RNF180: variants seen among roughly 807,000 people sequenced by gnomAD.
RNF180 encodes the protein E3 ubiquitin-protein ligase RNF180.
Under a neutral mutation model 59.2 loss-of-function variants are expected in RNF180, and 38 were observed. The observed-to-expected ratio is 0.64, with a 90% CI of 0.50 to 0.84. The LOEUF is 0.84. Ranked by LOEUF, RNF180 falls within the 40% of genes least tolerant of loss-of-function variation. The pLI is 0.00. For synonymous variants in RNF180, 262 were observed against 240.3 expected (o/e 1.09, Z -0.84); for missense variants, 705 against 700.9 (o/e 1.01, Z -0.07).
intron 5 of RNF180, among the ~76,000 whole-genome samples, chr5:64,256,009 T>C (rs1249795289): frequency 2.6e-5 from 4 of 152,210 alleles, no homozygotes; most frequent in African/African-American, 7.2e-5. Flanking sequence ...TTTTGAGAAG[T>C]GTCTGTTCAT....
At chr5:64,347,468 G>A (rs1745600113) in intron 7 of RNF180, among the ~76,000 whole-genome samples, 1 of 152,164 alleles carries the variant, frequency 6.6e-6, no homozygotes, top group Non-Finnish European at 1.5e-5. Flanking sequence ...TGAGGAGTAT[G>A]TTAATGATCA....
At chr5:64,259,307 G>A (rs552874734) in intron 5 of RNF180, among the ~76,000 whole-genome samples, 1 of 152,252 alleles carries the variant, frequency 6.6e-6, no homozygotes, top group African/African-American at 2.4e-5. Flanking sequence ...AAGGGTTTTG[G>A]GGGGAACAGT....
intron 5 of RNF180, among the ~76,000 whole-genome samples, chr5:64,221,745 T>A (rs1472260066): frequency 1.3e-5 from 2 of 152,196 alleles, no homozygotes; most frequent in Non-Finnish European, 2.9e-5. Context: ...AGCACAGTAC[T>A]TTGTACATAA....
chr5:64,192,417 T>C (rs1751205318), intron 1 of RNF180, among the ~76,000 whole-genome samples: 1 of 152,174 alleles, frequency 6.6e-6, no homozygotes, highest in South Asian at 2.1e-4. Context: ...CTCACTCCTG[T>C]AATCCCAGCA....
chr5:64,321,665 T>C (rs535175506), intron 5 of RNF180, among the ~76,000 whole-genome samples: 2 of 152,162 alleles, frequency 1.3e-5, no homozygotes, highest in Non-Finnish European at 2.9e-5. Flanking sequence ...AAAAAACTAC[T>C]TTAAATTTCA....
chr5:64,171,947 A>G lies in RNF180; in HGVS notation c.-1+5994A>G, dbSNP rs558039672. ...CTGTTGGATTTAGGTAAAAGACCTCACAGAGTTGGGTAACATCTTTGGCAC... is the reference window on the plus strand; with the variant it reads ...CTGTTGGATTTAGGTAAAAGACCTCGCAGAGTTGGGTAACATCTTTGGCAC... On this transcript the variant is annotated intron_variant, in intron 1 of 7. Transcript: ENST00000389100. Among the ~76,000 whole-genome samples, 201 of 152,318 alleles carry G rather than the reference A, an allele frequency of 1.3e-3. 1 individual carries two copies. Among genetic ancestry groups the G allele is most frequent in the Non-Finnish European group, 1.8e-3 (124 of 68,020 alleles).
At chr5:64,167,345 C>A (rs1032428552) in intron 1 of RNF180, among the ~76,000 whole-genome samples, 1 of 152,076 alleles carries the variant, frequency 6.6e-6, no homozygotes, top group Non-Finnish European at 1.5e-5. Context: ...GAACCATCAA[C>A]AATTTACCAG....
intron 5 of RNF180, among the ~76,000 whole-genome samples, chr5:64,311,457 T>C (rs776191259): frequency 6.6e-6 from 1 of 151,878 alleles, no homozygotes; most frequent in Non-Finnish European, 1.5e-5. Context: ...AAAAAATAGA[T>C]GGAGATGTAC....
At chr5:64,334,002 T>C (rs1012412518) in intron 7 of RNF180, among the ~76,000 whole-genome samples, 1 of 152,214 alleles carries the variant, frequency 6.6e-6, no homozygotes, top group African/African-American at 2.4e-5. Flanking sequence ...GAGGAAATGC[T>C]GTCTCCTCCT....
chr5:64,179,600 T>C (rs1279922741), intron 1 of RNF180, among the ~76,000 whole-genome samples: 1 of 152,232 alleles, frequency 6.6e-6, no homozygotes, highest in Non-Finnish European at 1.5e-5. Context: ...TTTATTACTT[T>C]TCATTGCTAT....
chr5:64,286,074 C>T (rs898946549), intron 5 of RNF180, among the ~76,000 whole-genome samples: 1 of 152,202 alleles, frequency 6.6e-6, no homozygotes, highest in Admixed American at 6.5e-5. Context: ...TCCAATCTCC[C>T]TCCCACTTCA....
At chr5:64,178,604 T>C (rs1337791629) in intron 1 of RNF180, among the ~76,000 whole-genome samples, 1 of 152,234 alleles carries the variant, frequency 6.6e-6, no homozygotes, top group East Asian at 1.9e-4. Context: ...CCAAGAACAT[T>C]GTATGATTGA....
intron 1 of RNF180, among the ~76,000 whole-genome samples, chr5:64,187,701 A>G (rs1236963810): frequency 1.3e-5 from 2 of 152,332 alleles, no homozygotes; most frequent in Middle Eastern, 3.4e-3. Context: ...GAACAGTAAT[A>G]TGAGAGGGAT....
Position 64,330,353 on chromosome 5 carries a change from A to G in RNF180, c.1526A>G (p.Asn509Ser), listed in dbSNP as rs1273744174. The G allele has an allele frequency of 1.5e-5, 23 of 1,545,904 alleles. No homozygotes were observed. Among genetic ancestry groups the G allele is most frequent in the Non-Finnish European group, 2.0e-5 (23 of 1,145,022 alleles). The change falls in exon 7 of 8, where the codon AAC becomes AGC. Residue 509 changes from asparagine to serine, a missense_variant. Physicochemically the swap from Asn to Ser is conservative, Grantham distance 46. Transcript: ENST00000389100. The stretch of plus-strand genomic sequence containing the variant: ...ATAAAACAAAGCTTTCAGAAATCCA[A>G]CTCTGCAAAATGGCCCCTACCAAGC... ...LKIKQSFQKS[N>S]SAKWPLPSCR...
At chr5:64,206,075 G>C (rs1752002008) in intron 2 of RNF180, among the ~76,000 whole-genome samples, 1 of 152,162 alleles carries the variant, frequency 6.6e-6, no homozygotes, top group Non-Finnish European at 1.5e-5. Flanking sequence ...CAATTCTAGA[G>C]GGAGCTAGTT....
Position 64,214,376 on chromosome 5 carries a change from G to A in RNF180, c.1050G>A (p.Glu350=), listed in dbSNP as rs1290097621. The change falls in exon 4 of 8, where the codon GAG becomes GAA. Residue 350 remains glutamate, a synonymous_variant. Coordinates refer to ENST00000389100, the MANE Select transcript of RNF180 (RefSeq NM_001113561.2). ...TGCCGGAGGCCTCAGACCAGGAAGA[G>A]CACCTCTCCCCTCTGGACTTCCTGC... ...RSMPEASDQE[E]HLSPLDFLHS... is the part of the protein sequence containing the mutation. 1 of 1,614,060 alleles carries A rather than the reference G, an allele frequency of 6.2e-7. No homozygotes were observed. The highest frequency in any genetic ancestry group is 1.7e-5 in the Admixed American group (1 of 59,956).
intron 5 of RNF180, among the ~76,000 whole-genome samples, chr5:64,298,520 C>T (rs564239758): frequency 1.6e-4 from 24 of 152,074 alleles, no homozygotes; most frequent in African/African-American, 5.5e-4. Context: ...AACTTTCTTA[C>T]TGAGGGGTAT....
chr5:64,306,352 G>T (rs1187276087), intron 5 of RNF180, among the ~76,000 whole-genome samples: 1 of 151,502 alleles, frequency 6.6e-6, no homozygotes, highest in Non-Finnish European at 1.5e-5. Context: ...AAAAAACTGT[G>T]GAAGCTTTAA....
chr5:64,268,078 ATT>A (rs1253135935), intron 5 of RNF180, among the ~76,000 whole-genome samples: 1 of 152,196 alleles, frequency 6.6e-6, no homozygotes, highest in African/African-American at 2.4e-5. Flanking sequence ...TTGAAACATG[ATT>A]ACAAATCTAT....
Sources: gnomAD v4.1 joint callset for allele counts (sites outside exome capture counted in the v4.1 genomes callset) on GRCh38, gnomAD v4.1.1 for gene constraint, MANE v1.5 for transcripts, NCBI Gene and HGNC (gene_info 2026-07-23, HGNC 2026-07-21) for gene names.